STAU1: variants seen among roughly 807,000 people sequenced by gnomAD.
STAU1 encodes the protein staufen double-stranded RNA binding protein 1, also known as double-stranded RNA-binding protein Staufen homolog 1.
Under a neutral mutation model 62.9 loss-of-function variants are expected in STAU1, and 13 were observed. That is an observed-to-expected ratio of 0.21 (90% CI 0.13 to 0.33). The LOEUF (loss-of-function observed/expected upper bound fraction) is 0.33. Ranked by LOEUF, STAU1 falls within the 10% of genes least tolerant of loss-of-function variation. STAU1 has a pLI of 1.00. For missense variants in STAU1, 571 were observed against 712.1 expected (o/e 0.80, Z 2.25); for synonymous variants, 269 against 265.1 (o/e 1.01, Z -0.14).
chr20:49,206,515 C>CA, the STAU1 span, among the ~76,000 whole-genome samples: 1 of 131,478 alleles, frequency 7.6e-6, no homozygotes, highest in African/African-American at 2.9e-5. Context: ...GGCCATCTTC[C>CA]GTTTTTTTTT....
chr20:49,128,564 C>A (rs574115025), intron 6 of STAU1, among the ~76,000 whole-genome samples: 1 of 152,064 alleles, frequency 6.6e-6, no homozygotes, highest in East Asian at 1.9e-4. Context: ...CAAAGTGAGG[C>A]TAAAACATTT....
Position 49,117,555 on chromosome 20 carries a change from T to C in STAU1, c.1509+222A>G, listed in dbSNP as rs1192105282. 6.6e-6 allele frequency among the ~76,000 whole-genome samples: 1 copy of C among 152,238 alleles called. No homozygotes were observed. Among genetic ancestry groups the C allele is most frequent in the Non-Finnish European group, 1.5e-5 (1 of 68,044 alleles). ...GTGGTTAGAAGCTTTTAGGGTTGGC[T>C]TGCATGTTGAAATCTTACTACCAAA... is the stretch of plus-strand genomic sequence containing the variant. On this transcript the variant is annotated intron_variant, in intron 11 of 13. Coordinates refer to ENST00000371856, the MANE Select transcript of STAU1 (RefSeq NM_017453.4). This position sits in a 1 kb window ranked among gnomAD's most constrained non-coding sequence, Gnocchi z 4.6.
chr20:49,169,683 G>T (rs543933761), intron 2 of STAU1, among the ~76,000 whole-genome samples: 2 of 152,272 alleles, frequency 1.3e-5, no homozygotes, highest in Admixed American at 1.3e-4. Context: ...GCTGGTGCTG[G>T]AAAACACCTC....
At chr20:49,174,720 G>A (rs950785016) in intron 1 of STAU1, among the ~76,000 whole-genome samples, 4 of 151,944 alleles carry the variant, frequency 2.6e-5, no homozygotes, top group African/African-American at 2.4e-5. Flanking sequence ...GGTGGATCAC[G>A]AGGTCAGGAG....
chr20:49,161,506 A>T (rs2093447997), intron 3 of STAU1, among the ~76,000 whole-genome samples: 2 of 152,188 alleles, frequency 1.3e-5, no homozygotes, highest in African/African-American at 2.4e-5. Flanking sequence ...GAGTATAAAA[A>T]ATAGAGAACA....
At chr20:49,127,582 T>G (rs901448313) in intron 6 of STAU1, among the ~76,000 whole-genome samples, 3 of 151,864 alleles carry the variant, frequency 2.0e-5, no homozygotes, top group African/African-American at 7.3e-5. Flanking sequence ...GACACATGAC[T>G]GTAATCCCAG....
intron 3 of STAU1, among the ~76,000 whole-genome samples, chr20:49,154,318 A>T (rs1405225434): frequency 1.3e-5 from 2 of 152,210 alleles, no homozygotes; most frequent in Non-Finnish European, 2.9e-5. Context: ...AATTTAACCC[A>T]AGACATTATC....
At chr20:49,218,951 G>A in the STAU1 span, among the ~76,000 whole-genome samples, 3 of 147,846 alleles carry the variant, frequency 2.0e-5, no homozygotes, top group Admixed American at 6.8e-5. Flanking sequence ...GGGAAGTCGG[G>A]GTTGCAGTGA....
chr20:49,164,633 A>T (rs936298235), intron 3 of STAU1, among the ~76,000 whole-genome samples: 3 of 151,886 alleles, frequency 2.0e-5, no homozygotes, highest in African/African-American at 7.3e-5. Flanking sequence ...TGGGCATTGT[A>T]GCTCACACCT....
intron 5 of STAU1, among the ~76,000 whole-genome samples, chr20:49,141,182 C>T (rs1213190957): frequency 6.6e-6 from 1 of 152,116 alleles, no homozygotes; most frequent in African/African-American, 2.4e-5. Context: ...TTATTTACAA[C>T]CTATTTCAAA....
chr20:49,202,771 G>A, the STAU1 span, among the ~76,000 whole-genome samples: 1 of 151,852 alleles, frequency 6.6e-6, no homozygotes, highest in Admixed American at 6.6e-5. Context: ...AGGCTCCGTG[G>A]CTCAACGCCT....
chr20:49,176,234 A>G (rs1208819797), intron 1 of STAU1, among the ~76,000 whole-genome samples: 1 of 152,202 alleles, frequency 6.6e-6, no homozygotes, highest in Non-Finnish European at 1.5e-5. Context: ...CCCAAATACA[A>G]TTTTATGGAA....
In STAU1 at chr20:49,188,105, G is replaced by C. The variant is rs920756909; in HGVS notation, c.-160+11C>G. 1 of 148,370 alleles carries C rather than the reference G, an allele frequency of 6.7e-6. No homozygotes were observed. The highest frequency in any genetic ancestry group is 6.7e-5 in the Admixed American group (1 of 15,026). 9.2% of individuals were successfully genotyped at this position (148,370 alleles called of 1,614,324 possible). ...GGCCCCACCAGGCCCGGCCCGGCCC[G>C]GCCGCCTCACCTGGCTGCTGCTCCG... On this transcript the variant is annotated intron_variant, in intron 1 of 13. Transcript: ENST00000371856.
Position 49,133,401 on chromosome 20 carries a change from T to G in STAU1, c.609+2432A>C, listed in dbSNP as rs78569275. Among the ~76,000 whole-genome samples, 642 of 152,270 alleles carry G rather than the reference T, an allele frequency of 4.2e-3. 1 individual carries two copies. The highest frequency in any genetic ancestry group is 0.015 in the African/African-American group (621 of 41,560). On this transcript the variant is annotated intron_variant, in intron 6 of 13. Coordinates refer to ENST00000371856, the MANE Select transcript of STAU1 (RefSeq NM_017453.4). ...CAGGCATCTCCCACTCCCCACGGTC[T>G]TGGTACCCCTCCCCCACAACCTGCA...
chr20:49,142,769 A>C (rs2093037809), intron 5 of STAU1, among the ~76,000 whole-genome samples: 1 of 152,224 alleles, frequency 6.6e-6, no homozygotes, highest in African/African-American at 2.4e-5. Flanking sequence ...ATGCAAAAAA[A>C]CATATTTGAA....
chr20:49,145,678 C>T (rs886134329), intron 5 of STAU1, among the ~76,000 whole-genome samples: 27 of 151,506 alleles, frequency 1.8e-4, no homozygotes, highest in Non-Finnish European at 4.4e-5. Context: ...TGCAGTGAGC[C>T]GAGATCGCAC....
intron 13 of STAU1, 27 bp downstream of exon 13, chr20:49,115,755 C>G: frequency 6.3e-7 from 1 of 1,588,452 alleles, no homozygotes; most frequent in East Asian, 2.2e-5. Flanking sequence ...CCATCATCAG[C>G]GCCTTCCCCT....
chr20:49,213,821 A>T, the STAU1 span, among the ~76,000 whole-genome samples: 2,325 of 152,294 alleles, frequency 0.015, 60 homozygotes, highest in South Asian at 0.071. Flanking sequence ...AATCAAGTAA[A>T]ATGGAGATGG....
At chr20:49,195,721 T>A in the STAU1 span, among the ~76,000 whole-genome samples, 1 of 148,716 alleles carries the variant, frequency 6.7e-6, no homozygotes, top group African/African-American at 2.5e-5. Flanking sequence ...CTGACCAACA[T>A]GGAAAAACCC....
Sources: gnomAD v4.1 joint callset for allele counts (sites outside exome capture counted in the v4.1 genomes callset) on GRCh38, gnomAD v4.1.1 for gene constraint, Gnocchi (gnomAD v3.1) non-coding constraint, MANE v1.5 for transcripts, NCBI Gene and HGNC (gene_info 2026-07-23, HGNC 2026-07-21) for gene names.